DCC: variants seen among roughly 807,000 people sequenced by gnomAD.
DCC encodes the protein DCC netrin 1 receptor.
In DCC, 58 loss-of-function variants were observed where a neutral mutation model predicts 172.5. That is an observed-to-expected ratio of 0.34 (90% confidence interval 0.27 to 0.42). DCC has a LOEUF of 0.42. Ranked by LOEUF, DCC falls within the 10% of genes least tolerant of loss-of-function variation. The pLI is 1.00. For synonymous variants in DCC, 709 were observed against 644.5 expected (o/e 1.10, Z -1.52); for missense variants, 1,740 against 1,791.0 (o/e 0.97, Z 0.51).
intron 12 of DCC, among the ~76,000 whole-genome samples, chr18:53,250,844 T>G (rs1364514903): frequency 6.6e-6 from 1 of 151,958 alleles, no homozygotes; most frequent in Non-Finnish European, 1.5e-5. Context: ...TTCCGTTATC[T>G]CCCTTGATTC....
At chr18:52,387,435 G>A (rs754960272) in intron 1 of DCC, among the ~76,000 whole-genome samples, 74 of 152,118 alleles carry the variant, frequency 4.9e-4, no homozygotes, top group Non-Finnish European at 7.8e-4. Flanking sequence ...GTTTTCACGT[G>A]TATTGAAGCT....
chr18:53,211,005 T>C (rs1429419717), intron 11 of DCC, among the ~76,000 whole-genome samples: 1 of 152,184 alleles, frequency 6.6e-6, no homozygotes, highest in African/African-American at 2.4e-5. Context: ...TAAATAATTT[T>C]GCCAATTTGT....
intron 5 of DCC, among the ~76,000 whole-genome samples, chr18:53,017,667 TC>T (rs1280641974): frequency 6.6e-6 from 1 of 152,182 alleles, no homozygotes; most frequent in Non-Finnish European, 1.5e-5. Context: ...GAATTATCAC[TC>T]CTTCTAGAAA....
rs542000437 is a variant in DCC at position 52,596,537 on chromosome 18, G to T, written c.92-155517G>T. On this transcript the variant is annotated intron_variant, in intron 1 of 28. Coordinates refer to ENST00000442544, the MANE Select transcript of DCC (RefSeq NM_005215.4). Reference sequence around the variant, plus strand: ...CACATCTACTAAATCAAGACTTTGGGCTGGGTAATCTGTATTTTAGCAAGC... The same window carrying T: ...CACATCTACTAAATCAAGACTTTGGTCTGGGTAATCTGTATTTTAGCAAGC... Among the ~76,000 whole-genome samples the T allele has an allele frequency of 7.9e-5, 12 of 152,270 alleles. No homozygotes were observed. The East Asian group carries it at 2.3e-3, about 29-fold the overall frequency.
chr18:53,185,071 C>G (rs570761294), intron 9 of DCC, among the ~76,000 whole-genome samples: 1 of 152,174 alleles, frequency 6.6e-6, no homozygotes, highest in East Asian at 1.9e-4. Flanking sequence ...TAAGCACTGG[C>G]ATTACATCTT....
At chr18:53,242,411 A>G (rs1045145698) in intron 12 of DCC, among the ~76,000 whole-genome samples, 4 of 152,182 alleles carry the variant, frequency 2.6e-5, no homozygotes, top group Non-Finnish European at 4.4e-5. Context: ...ACATTATCTG[A>G]AACATAGTAT....
chr18:52,804,685 A>G (rs996165821), intron 2 of DCC, among the ~76,000 whole-genome samples: 1 of 152,048 alleles, frequency 6.6e-6, no homozygotes, highest in African/African-American at 2.4e-5. Context: ...TCCTGCTTGA[A>G]CAGGAGAATT....
intron 1 of DCC, among the ~76,000 whole-genome samples, chr18:52,714,306 T>G (rs1196061223): frequency 2.0e-5 from 3 of 151,380 alleles, no homozygotes; most frequent in East Asian, 3.9e-4. Context: ...GGGCCAGACT[T>G]TGAGTGCATT....
intron 9 of DCC, among the ~76,000 whole-genome samples, chr18:53,198,600 C>T (rs2055486148): frequency 6.6e-6 from 1 of 152,006 alleles, no homozygotes; most frequent in African/African-American, 2.4e-5. Context: ...TTATAAAGTG[C>T]TCTGTTATAC....
At chr18:52,944,485 C>CAGTT (rs2040511181) in intron 5 of DCC, among the ~76,000 whole-genome samples, 1 of 152,030 alleles carries the variant, frequency 6.6e-6, no homozygotes, top group Non-Finnish European at 1.5e-5. Context: ...CAGAGAAGTC[C>CAGTT]CAGTTTTTCT....
At chr18:52,712,761 C>T (rs940446230) in intron 1 of DCC, among the ~76,000 whole-genome samples, 7 of 152,204 alleles carry the variant, frequency 4.6e-5, no homozygotes, top group Non-Finnish European at 7.3e-5. Context: ...ATACACCAAT[C>T]GATATCCTAA....
chr18:52,373,655 C>T (rs1316236531), intron 1 of DCC, among the ~76,000 whole-genome samples: 1 of 152,128 alleles, frequency 6.6e-6, no homozygotes, highest in African/African-American at 2.4e-5. Flanking sequence ...AGCTCTCTCT[C>T]TCTCTCTCTT....
rs137916134 is a variant in DCC, at chr18:52,764,403, T to A, written c.412+12029T>A. 1.5e-3 allele frequency among the ~76,000 whole-genome samples: 235 copies of A among 152,326 alleles called. No homozygotes were observed. In the East Asian group the frequency reaches 0.021, roughly 14 times the overall value. On this transcript the variant is annotated intron_variant, in intron 2 of 28. Transcript: ENST00000442544. ...ATCCCCTCCAAACCTCGTGTTGAAA[T>A]TTGATCCACAAGGTGGGGCCTAATG...
intron 1 of DCC, among the ~76,000 whole-genome samples, chr18:52,591,506 C>G (rs947321352): frequency 4.6e-5 from 7 of 151,980 alleles, no homozygotes; most frequent in African/African-American, 1.7e-4. Flanking sequence ...TTTATGCCCT[C>G]CTGCTTGTAT....
chr18:52,485,452 C>G (rs927784680), intron 1 of DCC, among the ~76,000 whole-genome samples: 1 of 152,070 alleles, frequency 6.6e-6, no homozygotes, highest in Non-Finnish European at 1.5e-5. Context: ...ACGGCAAATA[C>G]AGCACTAAAA....
rs535844485 is a variant in DCC at position 52,805,463 on chromosome 18, G to T, written c.412+53089G>T. 2.6e-5 allele frequency among the ~76,000 whole-genome samples: 4 copies of T among 152,272 alleles called. 1 individual carries two copies. In the East Asian group the frequency reaches 7.7e-4, roughly 29 times the overall value. On this transcript the variant is annotated intron_variant, in intron 2 of 28. Transcript: ENST00000442544. Reference sequence around the variant, plus strand: ...TTTTGTTTTGCTCACAAAAAGGAAGGAAATAAGAGACGAATGGAGAAGGTA... The same window carrying T: ...TTTTGTTTTGCTCACAAAAAGGAAGTAAATAAGAGACGAATGGAGAAGGTA...
intron 2 of DCC, among the ~76,000 whole-genome samples, chr18:52,865,023 G>T (rs748187968): frequency 2.0e-5 from 3 of 151,912 alleles, no homozygotes; most frequent in Non-Finnish European, 4.4e-5. Context: ...CTGCCACCAC[G>T]CCTGGCTAAT....
chr18:52,762,956 G>C (rs1226845769), intron 2 of DCC, among the ~76,000 whole-genome samples: 1 of 152,162 alleles, frequency 6.6e-6, no homozygotes, highest in East Asian at 1.9e-4. Context: ...AGGTTACCCA[G>C]AGATATTTAG....
At position 52,414,719 on chromosome 18, in the gene DCC, C is replaced by T. The variant is rs372367211; in HGVS notation, c.91+73841C>T. ...GTTGTGGTCATAGGAACCTGAATGACTTATGAGCAGTTGGGGAATTCTGTA... is the reference window on the plus strand; with the variant it reads ...GTTGTGGTCATAGGAACCTGAATGATTTATGAGCAGTTGGGGAATTCTGTA... On this transcript the variant is annotated intron_variant, in intron 1 of 28. Coordinates refer to ENST00000442544, the MANE Select transcript of DCC (RefSeq NM_005215.4). Among the ~76,000 whole-genome samples, 27 of 152,262 alleles carry T rather than the reference C, an allele frequency of 1.8e-4. No individual in the cohort carries two copies. The South Asian group carries it at 2.3e-3, about 13-fold the overall frequency.
Sources: allele counts gnomAD v4.1 joint callset (sites outside exome capture counted in the v4.1 genomes callset), GRCh38; gene constraint gnomAD v4.1.1; transcripts MANE v1.5; gene names NCBI Gene and HGNC (gene_info 2026-07-23, HGNC 2026-07-21).